STX11: variants seen among roughly 807,000 people sequenced by gnomAD.
STX11 encodes syntaxin-11.
STX11 carries 21 observed loss-of-function variants against 19.9 expected under a neutral mutation model. The observed-to-expected ratio is 1.06, with a 90% CI of 0.75 to 1.52. STX11 has a LOEUF of 1.52. STX11 is among the 40% of genes most tolerant of loss of function. The pLI is 0.00. For missense variants in STX11, 438 were observed against 405.9 expected, an observed-to-expected ratio of 1.08 and a Z score of -0.68; for synonymous variants, 193 against 174.4, an observed-to-expected ratio of 1.11 and a Z score of -0.84.
chr6:144,179,795 A>C (rs1801862188), intron 1 of STX11, among the ~76,000 whole-genome samples: 1 of 152,250 alleles, frequency 6.6e-6, no homozygotes, highest in African/African-American at 2.4e-5. Context: ...CTATAGACCA[A>C]TAGTGGACCT....
At position 144,187,141 on chromosome 6, in the gene STX11, GTC is replaced by G; in HGVS notation, c.517_518del (p.Ser173GlyfsTer12). 1.2e-6 allele frequency: 2 copies of G among 1,614,052 alleles called. No homozygotes were observed. The highest frequency in any genetic ancestry group is 1.7e-6 in the Non-Finnish European group (2 of 1,180,022). ...CCAGCTGGAGATCATGGGCAAGGAA[GTC>G]TCGGGCGACCAGATCGAGGACATGT... The part of the protein sequence containing the change: ...QRQLEIMGKE[V>X]SGDQIEDMFE... On this transcript the variant is annotated frameshift_variant, in exon 2 of 2. Coordinates refer to ENST00000367568, the MANE Select transcript of STX11 (RefSeq NM_003764.4). LOFTEE classifies it high-confidence loss of function. The surrounding 1 kb of genome is among the most constrained non-coding windows in gnomAD (Gnocchi z 5.6).
intron 1 of STX11, among the ~76,000 whole-genome samples, chr6:144,166,525 CTTTTT>C (rs1174123119): frequency 8.0e-6 from 1 of 125,534 alleles, no homozygotes; most frequent in Non-Finnish European, 1.7e-5. Context: ...CTTTTCTTTC[CTTTTT>C]TTTTTTTTTT....
chr6:144,144,337 A>G, the STX11 span, among the ~76,000 whole-genome samples: 1 of 152,234 alleles, frequency 6.6e-6, no homozygotes, highest in Admixed American at 6.5e-5. Context: ...TTTAAACATG[A>G]AAATTAGAGA....
rs1459669851 is a variant in STX11 at position 144,153,992 on chromosome 6, T to G, written c.-6+3289T>G. Among the ~76,000 whole-genome samples, 2 of 152,234 alleles carry G rather than the reference T, an allele frequency of 1.3e-5. No homozygotes were observed. The highest frequency in any genetic ancestry group is 2.9e-5 in the Non-Finnish European group (2 of 68,038). On this transcript the variant is annotated intron_variant, in intron 1 of 1. Transcript: ENST00000367568. The surrounding 1 kb of genome is among the most constrained non-coding windows in gnomAD (Gnocchi z 5.0). The stretch of plus-strand genomic sequence containing the variant: ...TAATAGCTAAAATTTATTGAGTGCT[T>G]ATTAAGGGCCATGTACTATCCTAGA...
rs1488384903 is a variant in STX11, at chr6:144,190,090, G to A, written c.*2599G>A. Reference sequence around the variant, plus strand: ...GTTTTATATTGGAGAGTTCGGTACAGACTGTCCATTACTGCACCAAAAGAA... The same window carrying A: ...GTTTTATATTGGAGAGTTCGGTACAAACTGTCCATTACTGCACCAAAAGAA... On this transcript the variant is annotated 3_prime_UTR_variant, in exon 2 of 2. Transcript: ENST00000367568. Among the ~76,000 whole-genome samples, 1 of 152,214 alleles carries A rather than the reference G, an allele frequency of 6.6e-6. No homozygotes were observed. Among genetic ancestry groups the A allele is most frequent in the Non-Finnish European group, 1.5e-5 (1 of 68,030 alleles).
rs1802096238 is a variant in STX11, at chr6:144,187,585, C to T, written c.*94C>T. The stretch of plus-strand genomic sequence containing the variant: ...GGGAGCTCTGCCCTGCAGGGAGTTG[C>T]CCCAACCCTTTCCGGAACTCAGTCT... On this transcript the variant is annotated 3_prime_UTR_variant, in exon 2 of 2. Coordinates refer to ENST00000367568, the MANE Select transcript of STX11 (RefSeq NM_003764.4). This position sits in a 1 kb window ranked among gnomAD's most constrained non-coding sequence, Gnocchi z 5.6. The T allele has an allele frequency of 2.0e-6, 3 of 1,533,138 alleles. No individual in the cohort carries two copies. The highest frequency in any genetic ancestry group is 1.4e-5 in the African/African-American group (1 of 72,710). The allele number at this position is 1,533,138 out of a possible 1,614,324, so 95.0% of individuals were successfully genotyped here.
chr6:144,140,256 TTA>T, the STX11 span, among the ~76,000 whole-genome samples: 2 of 73,984 alleles, frequency 2.7e-5, no homozygotes, highest in African/African-American at 3.6e-5. Context: ...ATATATATAT[TTA>T]TTTATTTATT....
At chr6:144,168,062 C>T (rs1303745490) in intron 1 of STX11, among the ~76,000 whole-genome samples, 1 of 152,236 alleles carries the variant, frequency 6.6e-6, no homozygotes, top group East Asian at 1.9e-4. Flanking sequence ...CTGTTAACAG[C>T]AACAACAATG....
In STX11 at chr6:144,177,715, A is replaced by T. The variant is rs1388725321; in HGVS notation, c.-5-8908A>T. On this transcript the variant is annotated intron_variant, in intron 1 of 1. Transcript: ENST00000367568. This position sits in a 1 kb window ranked among gnomAD's most constrained non-coding sequence, Gnocchi z 4.4. ...CGGTGAGCCAAGATTGCACCACTGCACTCCAGCCTGGGTGACAGAGGGAGA... is the reference window on the plus strand; with the variant it reads ...CGGTGAGCCAAGATTGCACCACTGCTCTCCAGCCTGGGTGACAGAGGGAGA... Among the ~76,000 whole-genome samples, 1 of 152,120 alleles carries T rather than the reference A, an allele frequency of 6.6e-6. No individual in the cohort carries two copies. The highest frequency in any genetic ancestry group is 1.5e-5 in the Non-Finnish European group (1 of 68,024).
rs749246568 is a variant in STX11, at chr6:144,186,784, G to C, written c.157G>C (p.Asp53His). The change falls in exon 2 of 2, where the codon GAT (aspartate) becomes CAT (histidine). Residue 53 changes from aspartate (D) to histidine (H), a missense_variant. Physicochemically the swap from Asp to His is moderately conservative, Grantham distance 81 (BLOSUM62 -1). Coordinates refer to ENST00000367568, the MANE Select transcript of STX11 (RefSeq NM_003764.4). ...GTACCGAGACATCCGGGACATTCAG[G>C]ATGAAAACCAGCTGCTGGTGGCCGA... ...SLYRDIRDIQDENQLLVADVK... is the reference protein window; with the variant it reads ...SLYRDIRDIQHENQLLVADVK... 6.2e-7 allele frequency: 1 copy of C among 1,613,900 alleles called. No individual in the cohort carries two copies. Among genetic ancestry groups the C allele is most frequent in the Non-Finnish European group, 8.5e-7 (1 of 1,180,034 alleles).
upstream of STX11, among the ~76,000 whole-genome samples, chr6:144,150,227 C>T (rs762344021): frequency 3.8e-4 from 58 of 152,252 alleles, no homozygotes; most frequent in Non-Finnish European, 6.9e-4. Flanking sequence ...AAGTCCAGCG[C>T]GCTCCCTGCC....
In STX11 at chr6:144,177,707, AC is replaced by A. The variant is rs1562666266; in HGVS notation, c.-5-8914del. ...AAAGGTTGCGGTGAGCCAAGATTGC[AC>A]CACTGCACTCCAGCCTGGGTGACAG... On this transcript the variant is annotated intron_variant, in intron 1 of 1. Coordinates refer to ENST00000367568, the MANE Select transcript of STX11 (RefSeq NM_003764.4). This position sits in a 1 kb window ranked among gnomAD's most constrained non-coding sequence, Gnocchi z 4.4. 6.6e-6 allele frequency among the ~76,000 whole-genome samples: 1 copy of A among 152,154 alleles called. No homozygotes were observed. The highest frequency in any genetic ancestry group is 2.4e-5 in the African/African-American group (1 of 41,438).
intron 1 of STX11, among the ~76,000 whole-genome samples, chr6:144,178,593 G>A (rs951914006): frequency 1.2e-4 from 18 of 152,218 alleles, no homozygotes; most frequent in African/African-American, 3.9e-4. Flanking sequence ...GGCATCAAAT[G>A]AGTAAAGTGA....
chr6:144,163,237 T>TA (rs1801389202), intron 1 of STX11, among the ~76,000 whole-genome samples: 1 of 152,222 alleles, frequency 6.6e-6, no homozygotes, highest in Non-Finnish European at 1.5e-5. Flanking sequence ...TCATCAGTCT[T>TA]ACCTTCTGTC....
intron 1 of STX11, among the ~76,000 whole-genome samples, chr6:144,171,950 A>G (rs1801650464): frequency 6.6e-6 from 1 of 152,236 alleles, no homozygotes; most frequent in African/African-American, 2.4e-5. Flanking sequence ...GACATACTTC[A>G]TAAGGACAAC....
In STX11 at chr6:144,183,052, C is replaced by T. The variant is rs991401684; in HGVS notation, c.-5-3571C>T. On this transcript the variant is annotated intron_variant, in intron 1 of 1. Transcript: ENST00000367568. This position sits in a 1 kb window ranked among gnomAD's most constrained non-coding sequence, Gnocchi z 4.6. ...GTTGCTAAGGAGTTAGTCCTTTAAACGAATAGTATTTATTGTTTTATGGGG... is the reference window on the plus strand; with the variant it reads ...GTTGCTAAGGAGTTAGTCCTTTAAATGAATAGTATTTATTGTTTTATGGGG... 2.6e-5 allele frequency among the ~76,000 whole-genome samples: 4 copies of T among 152,110 alleles called. No individual in the cohort carries two copies. The highest frequency in any genetic ancestry group is 1.9e-4 in the East Asian group (1 of 5,200).
In STX11 at chr6:144,188,959, C is replaced by T. The variant is rs1160044841; in HGVS notation, c.*1468C>T. On this transcript the variant is annotated 3_prime_UTR_variant, in exon 2 of 2. Coordinates refer to ENST00000367568, the MANE Select transcript of STX11 (RefSeq NM_003764.4). The stretch of plus-strand genomic sequence containing the variant: ...GCCAGGATGGTCTTGATCTCCTGAC[C>T]TCGTGATCCGCCCGCCTCAGCCTCC... Among the ~76,000 whole-genome samples, 1 of 152,032 alleles carries T rather than the reference C, an allele frequency of 6.6e-6. No homozygotes were observed. The highest frequency in any genetic ancestry group is 2.4e-5 in the African/African-American group (1 of 41,400).
Position 144,150,641 on chromosome 6 carries a change from A to C in STX11, c.-68A>C, listed in dbSNP as rs941966692. 7 of 984,812 alleles carry C rather than the reference A, an allele frequency of 7.1e-6. No homozygotes were observed. Among genetic ancestry groups the C allele is most frequent in the African/African-American group, 1.8e-5 (1 of 56,994 alleles). The allele number at this position is 984,812 out of a possible 1,614,324, so 61.0% of individuals were successfully genotyped here. ...GGTTTCCTTCTCCATCGCTGCGCCC[A>C]CAGGGGACGCGCGCCCTGCCGGGAG... On this transcript the variant is annotated 5_prime_UTR_variant, in exon 1 of 2. Transcript: ENST00000367568.
rs867273992 is a variant in STX11, at chr6:144,170,720, T to G, written c.-5-15903T>G. Among the ~76,000 whole-genome samples, 4 of 152,232 alleles carry G rather than the reference T, an allele frequency of 2.6e-5. No individual in the cohort carries two copies. The South Asian group carries it at 8.3e-4, about 32-fold the overall frequency. ...TAATTGAGTAATGCACAGGTATTAG[T>G]GTTCACTTATGATCATAGATGAGAC... On this transcript the variant is annotated intron_variant, in intron 1 of 1. Coordinates refer to ENST00000367568, the MANE Select transcript of STX11 (RefSeq NM_003764.4). The surrounding 1 kb of genome is among the most constrained non-coding windows in gnomAD (Gnocchi z 4.7).
Sources: gnomAD v4.1 joint callset for allele counts (sites outside exome capture counted in the v4.1 genomes callset) on GRCh38, gnomAD v4.1.1 for gene constraint, Gnocchi (gnomAD v3.1) non-coding constraint, MANE v1.5 for transcripts, NCBI Gene and HGNC (gene_info 2026-07-23, HGNC 2026-07-21) for gene names.